The following SCFD2 variants were observed in gnomAD, a reference collection of about 807,000 sequenced individuals.
SCFD2 encodes the protein sec1 family domain containing 2, also known as sec1 family domain-containing protein 2.
A neutral mutation model predicts 58.9 loss-of-function variants in SCFD2; 54 were observed. The ratio of observed to expected loss-of-function variants is 0.92; its 90% CI spans 0.74 to 1.15. The LOEUF is 1.15. Among genes scored for constraint, SCFD2 ranks in the 50% most tolerant of loss-of-function variants. SCFD2 has a pLI of 0.00. For missense variants in SCFD2, 805 were observed against 836.6 expected, an observed-to-expected ratio of 0.96 and a Z score of 0.47; for synonymous variants, 321 against 335.9, an observed-to-expected ratio of 0.96 and a Z score of 0.49.
intron 5 of SCFD2, 71 bp from the exon 6 acceptor site, chr4:52,920,941 A>C: frequency 3.3e-6 from 3 of 908,064 alleles, no homozygotes; most frequent in Non-Finnish European, 4.8e-6. Flanking sequence ...CTTGAGCTCG[A>C]TGTAATGTAG....
intron 6 of SCFD2, among the ~76,000 whole-genome samples, chr4:52,912,501 G>A (rs890671051): frequency 2.6e-5 from 4 of 151,806 alleles, no homozygotes; most frequent in African/African-American, 9.7e-5. Context: ...TTTCCTACTT[G>A]AATGGGAATA....
At chr4:52,913,862 C>T (rs1330946410) in intron 6 of SCFD2, among the ~76,000 whole-genome samples, 1 of 152,138 alleles carries the variant, frequency 6.6e-6, no homozygotes, top group Admixed American at 6.5e-5. Context: ...TCACTTCCAC[C>T]GCAGTTCATT....
intron 4 of SCFD2, among the ~76,000 whole-genome samples, chr4:53,199,332 T>C (rs1190268914): frequency 6.6e-6 from 1 of 152,142 alleles, no homozygotes; most frequent in Non-Finnish European, 1.5e-5. Context: ...CCCTTCTTTA[T>C]CTATCTGATC....
intron 8 of SCFD2, among the ~76,000 whole-genome samples, chr4:52,877,595 T>C (rs893450756): frequency 8.5e-5 from 13 of 152,200 alleles, no homozygotes; most frequent in Non-Finnish European, 1.9e-4. Flanking sequence ...TGTGAACATC[T>C]TCGTAAAATA....
intron 6 of SCFD2, among the ~76,000 whole-genome samples, chr4:52,914,355 A>AATT (rs1387912446): frequency 1.3e-5 from 2 of 152,170 alleles, no homozygotes; most frequent in Non-Finnish European, 2.9e-5. Flanking sequence ...CTTACAGAGG[A>AATT]ATTAGCTCCT....
chr4:53,279,994 G>A (rs1560426182), intron 3 of SCFD2, among the ~76,000 whole-genome samples: 1 of 152,204 alleles, frequency 6.6e-6, no homozygotes, highest in Non-Finnish European at 1.5e-5. Context: ...AGATTTGGGT[G>A]AGGACACAAA....
intron 4 of SCFD2, among the ~76,000 whole-genome samples, chr4:53,227,577 G>T (rs1277123394): frequency 4.6e-5 from 7 of 152,084 alleles, no homozygotes; most frequent in Non-Finnish European, 8.8e-5. Context: ...TTGTTGTTTG[G>T]ATCAAGCCTC....
chr4:52,991,118 C>T (rs567694966), intron 5 of SCFD2, among the ~76,000 whole-genome samples: 1 of 152,064 alleles, frequency 6.6e-6, no homozygotes, highest in Non-Finnish European at 1.5e-5. Flanking sequence ...GTAGATCTGG[C>T]CTGCAGGGAA....
chr4:52,966,914 C>T (rs1185820070), intron 5 of SCFD2, among the ~76,000 whole-genome samples: 1 of 152,170 alleles, frequency 6.6e-6, no homozygotes, highest in African/African-American at 2.4e-5. Context: ...ACAACATTCA[C>T]ATTGTGCAGC....
At chr4:53,142,407 C>T (rs761169922) in intron 5 of SCFD2, among the ~76,000 whole-genome samples, 10 of 152,150 alleles carry the variant, frequency 6.6e-5, no homozygotes, top group Non-Finnish European at 1.5e-4. Context: ...TTTTCATCAA[C>T]CACAAAATGT....
intron 2 of SCFD2, among the ~76,000 whole-genome samples, chr4:53,343,569 T>TCAAC: frequency 2.0e-5 from 3 of 152,172 alleles, no homozygotes; most frequent in East Asian, 3.9e-4. Flanking sequence ...TTCCAACTGA[T>TCAAC]AGAAAAAGAG....
At chr4:53,142,318 C>CT (rs1726192914) in intron 5 of SCFD2, among the ~76,000 whole-genome samples, 1 of 152,176 alleles carries the variant, frequency 6.6e-6, no homozygotes, top group Non-Finnish European at 1.5e-5. Flanking sequence ...ACCTATAAAA[C>CT]TAAAGCACTA....
At chr4:53,354,978 C>A (rs1432658571) in intron 1 of SCFD2, among the ~76,000 whole-genome samples, 1 of 151,916 alleles carries the variant, frequency 6.6e-6, no homozygotes, top group Non-Finnish European at 1.5e-5. Flanking sequence ...ATTTGAGATC[C>A]TAAATTAAGC....
At chr4:53,253,707 A>G (rs1730487071) in intron 4 of SCFD2, among the ~76,000 whole-genome samples, 1 of 130,312 alleles carries the variant, frequency 7.7e-6, no homozygotes, top group African/African-American at 2.9e-5. Flanking sequence ...CATGGACACC[A>G]GAAGGGGAAC....
chr4:53,331,206 G>A (rs1733451179), intron 2 of SCFD2, among the ~76,000 whole-genome samples: 1 of 151,334 alleles, frequency 6.6e-6, no homozygotes, highest in African/African-American at 2.4e-5. Context: ...AAGTCAACAA[G>A]GATACCCAGG....
chr4:52,988,255 A>C (rs922667998), intron 5 of SCFD2, among the ~76,000 whole-genome samples: 7 of 152,236 alleles, frequency 4.6e-5, no homozygotes, highest in African/African-American at 1.7e-4. Context: ...TGGACTTACA[A>C]ATTAGCAAAT....
intron 6 of SCFD2, among the ~76,000 whole-genome samples, chr4:52,919,152 C>G (rs1161664786): frequency 6.6e-6 from 1 of 152,136 alleles, no homozygotes; most frequent in Non-Finnish European, 1.5e-5. Flanking sequence ...TTATCACGTG[C>G]AAGATATATA....
chr4:53,144,548 A>T (rs988548085), intron 5 of SCFD2, among the ~76,000 whole-genome samples: 20 of 147,746 alleles, frequency 1.4e-4, no homozygotes, highest in Non-Finnish European at 2.4e-4. Flanking sequence ...TTTTATATAT[A>T]ATATATATAT....
At chr4:52,905,126 A>G (rs916293061) in intron 7 of SCFD2, among the ~76,000 whole-genome samples, 5 of 152,248 alleles carry the variant, frequency 3.3e-5, no homozygotes, top group Admixed American at 3.3e-4. Context: ...GGTTATAACC[A>G]TGTTAGACTC....
Sources: allele counts gnomAD v4.1 joint callset (sites outside exome capture counted in the v4.1 genomes callset), GRCh38; gene constraint gnomAD v4.1.1; transcripts MANE v1.5; gene names NCBI Gene and HGNC (gene_info 2026-07-23, HGNC 2026-07-21).